The following RXFP1 variants were observed in gnomAD, a reference collection of about 807,000 sequenced individuals.
RXFP1 encodes relaxin receptor 1.
Under a neutral mutation model 89.8 loss-of-function variants are expected in RXFP1, and 73 were observed. The ratio of observed to expected loss-of-function variants is 0.81; its 90% confidence interval spans 0.67 to 0.99. The LOEUF (loss-of-function observed/expected upper bound fraction) is 0.99. Ranked by LOEUF, RXFP1 falls within the 50% of genes least tolerant of loss-of-function variation. The pLI is 0.00. For synonymous variants in RXFP1, 277 were observed against 305.5 expected (o/e 0.91, Z 0.97); for missense variants, 793 against 895.5 (o/e 0.89, Z 1.46).
At chr4:158,587,705 A>C (rs1758568409) in intron 2 of RXFP1, among the ~76,000 whole-genome samples, 1 of 149,466 alleles carries the variant, frequency 6.7e-6, no homozygotes, top group Non-Finnish European at 1.5e-5. Context: ...TCTGTTTCTT[A>C]GTCAGGTCAC....
intron 1 of RXFP1, among the ~76,000 whole-genome samples, chr4:158,559,898 A>G (rs1274802232): frequency 6.6e-6 from 1 of 152,270 alleles, no homozygotes; most frequent in African/African-American, 2.4e-5. Context: ...AACTATGAAT[A>G]TACATTCATG....
intron 10 of RXFP1, among the ~76,000 whole-genome samples, chr4:158,628,202 A>C (rs1252318277): frequency 6.6e-6 from 1 of 152,194 alleles, no homozygotes; most frequent in East Asian, 1.9e-4. Flanking sequence ...GGTTCAGCTA[A>C]GAGTGGACTT....
At chr4:158,609,459 C>T (rs1239118263) in intron 6 of RXFP1, among the ~76,000 whole-genome samples, 1 of 152,190 alleles carries the variant, frequency 6.6e-6, no homozygotes. Flanking sequence ...TGCCATGCAG[C>T]ATTCTAGAAG....
chr4:158,560,838 C>T (rs946120340), intron 1 of RXFP1, among the ~76,000 whole-genome samples: 2 of 152,340 alleles, frequency 1.3e-5, no homozygotes, highest in East Asian at 1.9e-4. Context: ...TGTCTGCCCA[C>T]GTCTCACTGG....
intron 11 of RXFP1, among the ~76,000 whole-genome samples, chr4:158,631,715 G>A (rs1768066775): frequency 6.6e-6 from 1 of 152,144 alleles, no homozygotes; most frequent in Non-Finnish European, 1.5e-5. Context: ...GTGCATTCGG[G>A]TCATGGTGAA....
At chr4:158,556,985 A>C (rs1751449405) in intron 1 of RXFP1, among the ~76,000 whole-genome samples, 1 of 152,226 alleles carries the variant, frequency 6.6e-6, no homozygotes, top group African/African-American at 2.4e-5. Context: ...ATTACATAGA[A>C]GGAATAAATT....
chr4:158,568,101 C>CT (rs1334225272), intron 1 of RXFP1, among the ~76,000 whole-genome samples: 1 of 152,196 alleles, frequency 6.6e-6, no homozygotes, highest in Non-Finnish European at 1.5e-5. Context: ...ATACTCACCA[C>CT]AAAGGCCTTC....
intron 1 of RXFP1, among the ~76,000 whole-genome samples, chr4:158,547,802 G>A (rs564073655): frequency 6.6e-6 from 1 of 152,296 alleles, no homozygotes; most frequent in South Asian, 2.1e-4. Context: ...TGATCGCACT[G>A]TGGTCTGAGA....
At chr4:158,633,623 C>T (rs1768547794) in intron 12 of RXFP1, 147 bp downstream of exon 12, 2 of 528,994 alleles carry the variant, frequency 3.8e-6, no homozygotes, top group African/African-American at 4.0e-5. Flanking sequence ...CCACCACCAC[C>T]ATCTACCTCC....
intron 14 of RXFP1, among the ~76,000 whole-genome samples, chr4:158,641,723 C>G (rs1770415760): frequency 6.6e-6 from 1 of 152,106 alleles, no homozygotes; most frequent in Admixed American, 6.6e-5. Context: ...TATTTTTTGG[C>G]AGAACACATG....
chr4:158,540,823 T>C (rs994480663), intron 1 of RXFP1, among the ~76,000 whole-genome samples: 10 of 152,018 alleles, frequency 6.6e-5, no homozygotes, highest in Non-Finnish European at 1.5e-4. Context: ...GAGCACACAC[T>C]ACGGATGGCT....
chr4:158,643,414 ATTTTC>A (rs1390390060), intron 14 of RXFP1, among the ~76,000 whole-genome samples: 2 of 145,330 alleles, frequency 1.4e-5, no homozygotes, highest in Admixed American at 6.9e-5. Context: ...CTTTGATATG[ATTTTC>A]TTTTCTTTGA....
At chr4:158,534,499 G>A (rs1004407303) in intron 1 of RXFP1, among the ~76,000 whole-genome samples, 7 of 151,956 alleles carry the variant, frequency 4.6e-5, no homozygotes, top group Admixed American at 2.0e-4. Context: ...CGCCCGCCTC[G>A]GCCTCCCAAA....
intron 1 of RXFP1, among the ~76,000 whole-genome samples, chr4:158,522,404 G>A (rs906806734): frequency 6.6e-6 from 1 of 152,182 alleles, no homozygotes; most frequent in African/African-American, 2.4e-5. Flanking sequence ...CTGTATAGTT[G>A]TAATGCTCTG....
chr4:158,588,066 AC>A (rs1758648844), intron 2 of RXFP1, among the ~76,000 whole-genome samples: 1 of 152,106 alleles, frequency 6.6e-6, no homozygotes, highest in South Asian at 2.1e-4. Flanking sequence ...AAATCTCAAA[AC>A]CTGACAGCCA....
At chr4:158,634,975 G>C (rs1768863269) in intron 12 of RXFP1, among the ~76,000 whole-genome samples, 1 of 151,782 alleles carries the variant, frequency 6.6e-6, no homozygotes, top group African/African-American at 2.4e-5. Context: ...CTCCAATTTT[G>C]TTCTGCTTTT....
chr4:158,527,303 G>A (rs1024837705), intron 1 of RXFP1, among the ~76,000 whole-genome samples: 3 of 151,910 alleles, frequency 2.0e-5, no homozygotes, highest in Non-Finnish European at 4.4e-5. Flanking sequence ...AGCACTTTGG[G>A]AGGCCGAGGC....
At chr4:158,531,221 AGAG>A (rs1418144867) in intron 1 of RXFP1, among the ~76,000 whole-genome samples, 1 of 152,142 alleles carries the variant, frequency 6.6e-6, no homozygotes, top group Non-Finnish European at 1.5e-5. Context: ...AAATTTATAG[AGAG>A]GAGAACACAC....
intron 1 of RXFP1, among the ~76,000 whole-genome samples, chr4:158,552,363 C>G (rs572526758): frequency 6.6e-6 from 1 of 152,186 alleles, no homozygotes; most frequent in Non-Finnish European, 1.5e-5. Flanking sequence ...AATATGAAAC[C>G]TCAGCCACTT....
Sources: allele counts gnomAD v4.1 joint callset (sites outside exome capture counted in the v4.1 genomes callset), GRCh38; gene constraint gnomAD v4.1.1; transcripts MANE v1.5; gene names NCBI Gene and HGNC (gene_info 2026-07-23, HGNC 2026-07-21).